Variants in CTNNA3 observed in about 807,000 individuals in gnomAD.
CTNNA3 encodes catenin alpha 3.
Under a neutral mutation model 95.7 loss-of-function variants are expected in CTNNA3, and 76 were observed. The observed-to-expected ratio is 0.79, with a 90% CI of 0.66 to 0.96. The LOEUF is 0.96. Among genes scored for constraint, CTNNA3 ranks in the 40% least tolerant of loss-of-function variants. CTNNA3 has a pLI of 0.00. For synonymous variants in CTNNA3, 431 were observed against 374.4 expected, an observed-to-expected ratio of 1.15 and a Z score of -1.74; for missense variants, 1,191 against 1,089.8, an observed-to-expected ratio of 1.09 and a Z score of -1.31.
intron 15 of CTNNA3, among the ~76,000 whole-genome samples, chr10:66,034,528 G>A (rs553666500): frequency 6.6e-6 from 1 of 152,214 alleles, no homozygotes; most frequent in South Asian, 2.1e-4. Flanking sequence ...CTCAGTGACA[G>A]GAAAATAGCA....
intron 5 of CTNNA3, among the ~76,000 whole-genome samples, chr10:67,434,444 A>C (rs543196467): frequency 6.6e-6 from 1 of 152,120 alleles, no homozygotes; most frequent in Admixed American, 6.6e-5. Context: ...TTAGGAAAAC[A>C]GAAAGCTTCA....
intron 14 of CTNNA3, among the ~76,000 whole-genome samples, chr10:66,079,927 T>C (rs1273583464): frequency 1.3e-5 from 2 of 152,082 alleles, no homozygotes; most frequent in Non-Finnish European, 2.9e-5. Flanking sequence ...GCCTATTTAC[T>C]AGGTTTTTAA....
intron 1 of CTNNA3, among the ~76,000 whole-genome samples, chr10:67,680,830 A>C (rs1161792150): frequency 1.3e-5 from 2 of 152,242 alleles, no homozygotes; most frequent in African/African-American, 4.8e-5. Context: ...AAATAAATCC[A>C]AAAGAGCAGT....
chr10:66,634,032 G>GAT (rs1845249812), intron 9 of CTNNA3, among the ~76,000 whole-genome samples: 1 of 152,122 alleles, frequency 6.6e-6, no homozygotes, highest in Admixed American at 6.5e-5. Context: ...ATGGAAATGT[G>GAT]ATATCCAAAA....
At chr10:66,441,984 C>T (rs959376808) in intron 11 of CTNNA3, among the ~76,000 whole-genome samples, 3 of 152,168 alleles carry the variant, frequency 2.0e-5, no homozygotes, top group Non-Finnish European at 4.4e-5. Flanking sequence ...TAATTATTCA[C>T]ACTGAAACTA....
At chr10:67,352,584 A>C (rs987807923) in intron 5 of CTNNA3, among the ~76,000 whole-genome samples, 1 of 152,008 alleles carries the variant, frequency 6.6e-6, no homozygotes, top group African/African-American at 2.4e-5. Flanking sequence ...TACACTACTT[A>C]AAATTAAGAT....
At chr10:66,515,338 T>TCG (rs1264306369) in intron 11 of CTNNA3, among the ~76,000 whole-genome samples, 1 of 146,404 alleles carries the variant, frequency 6.8e-6, no homozygotes, top group African/African-American at 2.5e-5. Context: ...TGTCTCTCTC[T>TCG]CTCTCTCTAT....
At chr10:66,831,414 C>T (rs975272244) in intron 7 of CTNNA3, among the ~76,000 whole-genome samples, 2 of 152,152 alleles carry the variant, frequency 1.3e-5, no homozygotes, top group Non-Finnish European at 2.9e-5. Flanking sequence ...TACGCTTGCT[C>T]TCTGTCTAGA....
At chr10:66,634,778 G>A (rs1023704995) in intron 9 of CTNNA3, among the ~76,000 whole-genome samples, 1 of 151,926 alleles carries the variant, frequency 6.6e-6, no homozygotes, top group Non-Finnish European at 1.5e-5. Context: ...ATTTGTCTAA[G>A]TGGACATATG....
At chr10:67,245,679 G>A (rs188459747) in intron 5 of CTNNA3, among the ~76,000 whole-genome samples, 1 of 152,152 alleles carries the variant, frequency 6.6e-6, no homozygotes, top group East Asian at 1.9e-4. Context: ...CCAACATTGT[G>A]AAACCCCGTC....
chr10:67,754,965 A>C (rs149337343), intron 1 of CTNNA3, among the ~76,000 whole-genome samples: 87 of 152,316 alleles, frequency 5.7e-4, no homozygotes, highest in African/African-American at 2.1e-3. Context: ...AGGGAGGCTG[A>C]CATGGGAGGA....
At chr10:67,537,548 C>G (rs1475133373) in intron 4 of CTNNA3, among the ~76,000 whole-genome samples, 1 of 152,128 alleles carries the variant, frequency 6.6e-6, no homozygotes, top group Non-Finnish European at 1.5e-5. Context: ...GAATTACCTA[C>G]CTCTGTGCCT....
At chr10:67,008,030 T>C (rs2133022990) in intron 7 of CTNNA3, among the ~76,000 whole-genome samples, 1 of 152,098 alleles carries the variant, frequency 6.6e-6, no homozygotes, top group Non-Finnish European at 1.5e-5. Flanking sequence ...TATAAGAACT[T>C]TAAATGAAAT....
chr10:66,233,391 A>G (rs1241783159), intron 13 of CTNNA3, among the ~76,000 whole-genome samples: 1 of 152,130 alleles, frequency 6.6e-6, no homozygotes, highest in Non-Finnish European at 1.5e-5. Context: ...GTGAACAGTA[A>G]GCCACAGAGT....
chr10:67,255,339 AAAC>A (rs1866303680), intron 5 of CTNNA3, among the ~76,000 whole-genome samples: 1 of 151,948 alleles, frequency 6.6e-6, no homozygotes, highest in Non-Finnish European at 1.5e-5. Flanking sequence ...TTAATTTAAA[AAAC>A]TACAATAATT....
intron 16 of CTNNA3, among the ~76,000 whole-genome samples, chr10:65,972,192 A>G (rs1423026126): frequency 6.6e-6 from 1 of 152,038 alleles, no homozygotes; most frequent in Non-Finnish European, 1.5e-5. Context: ...GAGAAACCAC[A>G]GCCAACATTA....
At chr10:66,405,098 T>C (rs760826507) in intron 11 of CTNNA3, among the ~76,000 whole-genome samples, 4 of 152,208 alleles carry the variant, frequency 2.6e-5, no homozygotes, top group Non-Finnish European at 4.4e-5. Context: ...AATAGTATGA[T>C]CAATCAGAGT....
At chr10:66,318,276 A>ATATATGTGTGTGTGTGTGTGTG (rs33943741) in intron 12 of CTNNA3, among the ~76,000 whole-genome samples, 9 of 136,658 alleles carry the variant, frequency 6.6e-5, no homozygotes, top group African/African-American at 2.4e-4. Flanking sequence ...ATATATATAT[A>ATATATGTGTGTGTGTGTGTGTG]TGTGTGTGTG....
intron 13 of CTNNA3, among the ~76,000 whole-genome samples, chr10:66,191,624 A>G (rs1454682657): frequency 6.6e-6 from 1 of 152,064 alleles, no homozygotes; most frequent in African/African-American, 2.4e-5. Flanking sequence ...TTGAAAAAAA[A>G]AAAAAAACTC....
Sources: allele counts gnomAD v4.1 joint callset (sites outside exome capture counted in the v4.1 genomes callset), GRCh38; gene constraint gnomAD v4.1.1; transcripts MANE v1.5; gene names NCBI Gene and HGNC (gene_info 2026-07-23, HGNC 2026-07-21).